Variants in OTOP1 observed in about 807,000 individuals in gnomAD.
OTOP1 encodes the protein otopetrin 1.
A neutral mutation model predicts 52.9 loss-of-function variants in OTOP1; 59 were observed. That is an observed-to-expected ratio of 1.12 (90% CI 0.91 to 1.39). The LOEUF is 1.39. OTOP1 is among the 40% of genes most tolerant of loss of function. The pLI is 0.00. For synonymous variants in OTOP1, 317 were observed against 337.7 expected, an observed-to-expected ratio of 0.94 and a Z score of 0.67; for missense variants, 761 against 800.9, an observed-to-expected ratio of 0.95 and a Z score of 0.60.
intron 5 of OTOP1, among the ~76,000 whole-genome samples, chr4:4,189,839 G>C (rs1418386973): frequency 3.9e-5 from 6 of 152,176 alleles, no homozygotes; most frequent in East Asian, 3.9e-4. Flanking sequence ...CCTGCCAACA[G>C]TCACATGAGT....
rs200302629 is a variant in OTOP1, at chr4:4,188,968, C to G, written c.1674G>C (p.Trp558Cys). ...AFLFLCNISL[W>C]IPPAFGCRPE... ...GTCGACAGCCAAAGGCGGGAGGTAT[C>G]CAAAGCTGCAAGAGAAGAGAAAATG... The change falls in exon 6 of 6, where the codon TGG becomes TGC. Residue 558 changes from tryptophan to cysteine, a missense_variant. By Grantham distance (215) the Trp-to-Cys change is radical (BLOSUM62 -2). Transcript: ENST00000296358. The G allele has an allele frequency of 1.1e-4, 176 of 1,610,888 alleles. No individual in the cohort carries two copies. Among genetic ancestry groups the G allele is most frequent in the Middle Eastern group, 3.3e-4 (2 of 6,066 alleles).
At chr4:4,208,732 C>T (rs1168855207) in intron 2 of OTOP1, among the ~76,000 whole-genome samples, 1 of 150,016 alleles carries the variant, frequency 6.7e-6, no homozygotes, top group Non-Finnish European at 1.5e-5. Context: ...ATTACTGAAA[C>T]GTACGCTTAA....
At chr4:4,200,413 T>A (rs1439112356) in intron 4 of OTOP1, among the ~76,000 whole-genome samples, 13 of 151,400 alleles carry the variant, frequency 8.6e-5, no homozygotes, top group South Asian at 2.1e-4. Flanking sequence ...GAGGCAGAGC[T>A]TGCAGTGATC....
chr4:4,191,814 A>C (rs889253385), intron 5 of OTOP1, among the ~76,000 whole-genome samples: 21 of 152,162 alleles, frequency 1.4e-4, no homozygotes, highest in Admixed American at 1.4e-3. Context: ...TAAGAGGAAG[A>C]CCAGAGATCT....
chr4:4,201,565 C>G (rs1281132962), intron 4 of OTOP1, among the ~76,000 whole-genome samples: 2 of 150,758 alleles, frequency 1.3e-5, no homozygotes, highest in African/African-American at 4.9e-5. Flanking sequence ...GCCCAAACAC[C>G]AAGAGTGGCT....
chr4:4,208,809 T>TA (rs1716965979), intron 2 of OTOP1, among the ~76,000 whole-genome samples: 1 of 151,566 alleles, frequency 6.6e-6, no homozygotes, highest in Non-Finnish European at 1.5e-5. Context: ...TAGAAAAAAT[T>TA]ATTGCTAAAT....
At chr4:4,190,219 T>A (rs6818399) in intron 5 of OTOP1, among the ~76,000 whole-genome samples, 46,093 of 152,020 alleles carry the variant, frequency 0.3, 7,698 homozygotes, top group African/African-American at 0.42. Context: ...ACACCTATAA[T>A]CCCAGAACTT....
chr4:4,209,776 G>A (rs1716984982), intron 2 of OTOP1, among the ~76,000 whole-genome samples: 1 of 152,148 alleles, frequency 6.6e-6, no homozygotes. Context: ...GTTGGAGCCA[G>A]AGTCATGCAA....
chr4:4,198,507 T>C (rs1443326478), intron 4 of OTOP1, among the ~76,000 whole-genome samples: 1 of 152,200 alleles, frequency 6.6e-6, no homozygotes, highest in African/African-American at 2.4e-5. Context: ...TTTGATCTCT[T>C]CTAGATTTTG....
intron 5 of OTOP1, among the ~76,000 whole-genome samples, chr4:4,193,428 G>T (rs777530134): frequency 9.9e-5 from 15 of 152,208 alleles, no homozygotes; most frequent in Non-Finnish European, 1.5e-4. Flanking sequence ...TCTCTGAAGT[G>T]GAGCCCACCC....
intron 5 of OTOP1, among the ~76,000 whole-genome samples, chr4:4,195,556 C>T (rs1269751402): frequency 2.0e-5 from 3 of 152,186 alleles, no homozygotes; most frequent in African/African-American, 7.2e-5. Context: ...CATCTCATGA[C>T]CATGCGGCAA....
intron 5 of OTOP1, among the ~76,000 whole-genome samples, chr4:4,190,685 T>A (rs890266662): frequency 1.3e-5 from 2 of 152,148 alleles, no homozygotes; most frequent in African/African-American, 4.8e-5. Flanking sequence ...TTACCCCATT[T>A]TATATAGAGG....
chr4:4,205,240 A>G (rs1273023617), intron 3 of OTOP1, among the ~76,000 whole-genome samples: 4 of 152,166 alleles, frequency 2.6e-5, no homozygotes, highest in African/African-American at 9.7e-5. Flanking sequence ...CTTTACATCA[A>G]TTCCTTCCTT....
chr4:4,205,692 T>A (rs1268609271), intron 3 of OTOP1, among the ~76,000 whole-genome samples: 2 of 152,198 alleles, frequency 1.3e-5, no homozygotes, highest in Non-Finnish European at 2.9e-5. Context: ...CTCCTGCTAG[T>A]TTTTCTCTTG....
intron 4 of OTOP1, among the ~76,000 whole-genome samples, chr4:4,200,974 CAG>C (rs1199652971): frequency 6.6e-6 from 1 of 152,170 alleles, no homozygotes; most frequent in African/African-American, 2.4e-5. Flanking sequence ...TTAGAGCTGA[CAG>C]AGTCCTTTTT....
chr4:4,204,985 G>T (rs1356481597), intron 3 of OTOP1, among the ~76,000 whole-genome samples: 1 of 152,090 alleles, frequency 6.6e-6, no homozygotes, highest in Non-Finnish European at 1.5e-5. Flanking sequence ...CATTGGCCAG[G>T]CTGGTCTCAA....
rs1409746080 is a variant in OTOP1 at position 4,226,522 on chromosome 4, A to G, written c.343T>C (p.Ser115Pro). The change falls in exon 1 of 6, where the codon TCC becomes CCC. Residue 115 changes from serine (S) to proline (P), a missense_variant. By Grantham distance (74) the Ser-to-Pro change is moderately conservative. This residue lies in a region of OTOP1 where 56 missense variants were observed against 105.6 expected (regional missense o/e 0.53). Transcript: ENST00000296358. ...AGGCGGAAGAGGCGGCGGTGCGCGG[A>G]GCTGCGGCCCACGTACCACAGCATC... ...LWMLWYVGRS[S>P]AHRRLFRLKD... 5.6e-6 allele frequency: 9 copies of G among 1,593,620 alleles called. No homozygotes were observed. The highest frequency in any genetic ancestry group is 2.3e-4 in the Middle Eastern group (1 of 4,408).
At chr4:4,190,206 C>T (rs796743636) in intron 5 of OTOP1, among the ~76,000 whole-genome samples, 1 of 152,222 alleles carries the variant, frequency 6.6e-6, no homozygotes, top group South Asian at 2.1e-4. Context: ...GGCACAGTGG[C>T]TCACACCTAT....
At chr4:4,193,416 C>T (rs1030304396) in intron 5 of OTOP1, among the ~76,000 whole-genome samples, 6 of 152,300 alleles carry the variant, frequency 3.9e-5, no homozygotes, top group South Asian at 4.1e-4. Flanking sequence ...TTTCCATGTC[C>T]GTCTCTGAAG....
Sources: gnomAD v4.1 joint callset for allele counts (sites outside exome capture counted in the v4.1 genomes callset) on GRCh38, gnomAD v4.1.1 for gene constraint, gnomAD v4.1.1 regional missense constraint, MANE v1.5 for transcripts, NCBI Gene and HGNC (gene_info 2026-07-23, HGNC 2026-07-21) for gene names.